BMPR1B: variants seen among roughly 807,000 people sequenced by gnomAD.
The protein encoded by BMPR1B is bone morphogenetic protein receptor type-1B.
A neutral mutation model predicts 59.1 loss-of-function variants in BMPR1B; 12 were observed. The ratio of observed to expected loss-of-function variants is 0.20; its 90% CI spans 0.13 to 0.33. The LOEUF (loss-of-function observed/expected upper bound fraction) is 0.33, where lower values mean the gene tolerates loss of function less well. Among genes scored for constraint, BMPR1B ranks in the 10% least tolerant of loss-of-function variants. BMPR1B has a pLI of 1.00. For missense variants in BMPR1B, 550 were observed against 610.9 expected (o/e 0.90, Z 1.05); for synonymous variants, 237 against 207.3 (o/e 1.14, Z -1.23).
intron 1 of BMPR1B, among the ~76,000 whole-genome samples, chr4:94,875,483 G>T (rs1488663080): frequency 1.3e-5 from 2 of 152,188 alleles, no homozygotes; most frequent in Non-Finnish European, 2.9e-5. Context: ...AGGAGATTGA[G>T]ACCATCCTGG....
chr4:95,156,250 G>T lies in BMPR1B; in HGVS notation c.*1577G>T, dbSNP rs1735412814. On this transcript the variant is annotated 3_prime_UTR_variant, in exon 13 of 13. Coordinates refer to ENST00000515059, the MANE Select transcript of BMPR1B (RefSeq NM_001203.3). ...TATTCATATACATTTCCTTTCTGTG[G>T]TTTTCTTTTGCTTCTTAGAAATTCT... is the stretch of plus-strand genomic sequence containing the variant. 2.0e-5 allele frequency: 3 copies of T among 150,930 alleles called. No homozygotes were observed. The allele number at this position is 150,930 out of a possible 1,614,324, so 9.3% of individuals were successfully genotyped here. A position where few individuals can be genotyped will look rare whatever the true frequency, so the allele number is the denominator to read the frequency against.
chr4:95,052,962 C>G (rs186853357), intron 3 of BMPR1B, among the ~76,000 whole-genome samples: 1 of 152,220 alleles, frequency 6.6e-6, no homozygotes, highest in Admixed American at 6.5e-5. Context: ...TCTCATTCCT[C>G]TATTCTAGCT....
chr4:94,842,348 CAT>C (rs758521860), intron 1 of BMPR1B, among the ~76,000 whole-genome samples: 414 of 152,150 alleles, frequency 2.7e-3, no homozygotes, highest in Non-Finnish European at 4.6e-3. Context: ...AAAACTAACA[CAT>C]ATGTGATGTG....
chr4:94,954,159 G>A (rs1471724822), intron 2 of BMPR1B, among the ~76,000 whole-genome samples: 1 of 152,070 alleles, frequency 6.6e-6, no homozygotes, highest in Non-Finnish European at 1.5e-5. Flanking sequence ...CATGTTGTCA[G>A]ATGGGAGATG....
rs1735563516 is a variant in BMPR1B, at chr4:95,158,409, C to T, written c.*3736C>T. 1 of 152,064 alleles carries T rather than the reference C, an allele frequency of 6.6e-6. No individual in the cohort carries two copies. 9.4% of individuals were successfully genotyped at this position (152,064 alleles called of 1,614,324 possible). A position where few individuals can be genotyped will look rare whatever the true frequency, so the allele number is the denominator to read the frequency against. ...TTGTATATGGCTTTGTTTTAACATT[C>T]CCCTAAATAAAATGGCTTCATTCTC... On this transcript the variant is annotated 3_prime_UTR_variant, in exon 13 of 13. Coordinates refer to ENST00000515059, the MANE Select transcript of BMPR1B (RefSeq NM_001203.3).
At chr4:95,082,903 T>G (rs1729276331) in intron 3 of BMPR1B, among the ~76,000 whole-genome samples, 1 of 151,464 alleles carries the variant, frequency 6.6e-6, no homozygotes, top group Non-Finnish European at 1.5e-5. Flanking sequence ...CCGGGTGTGG[T>G]GGCGGGCGCC....
At chr4:95,099,168 C>G (rs1018456887) in intron 3 of BMPR1B, among the ~76,000 whole-genome samples, 1 of 152,102 alleles carries the variant, frequency 6.6e-6, no homozygotes, top group Non-Finnish European at 1.5e-5. Context: ...TGTTAACTAC[C>G]AAGCCGTAGT....
At chr4:95,104,232 G>A in intron 3 of BMPR1B, 176 bp from the exon 4 acceptor site, 3 of 686,328 alleles carry the variant, frequency 4.4e-6, no homozygotes, top group South Asian at 1.9e-5. Context: ...TGTATGAGGT[G>A]TATACTAGGT....
intron 2 of BMPR1B, among the ~76,000 whole-genome samples, chr4:94,940,194 T>C (rs1024765942): frequency 6.6e-6 from 1 of 152,254 alleles, no homozygotes; most frequent in Non-Finnish European, 1.5e-5. Context: ...ATTTTCAATA[T>C]GGCTTATGGC....
intron 3 of BMPR1B, among the ~76,000 whole-genome samples, chr4:95,084,943 TGGA>T (rs1729458864): frequency 6.6e-6 from 1 of 152,128 alleles, no homozygotes; most frequent in Non-Finnish European, 1.5e-5. Flanking sequence ...TACACCTGCT[TGGA>T]GTGTAGTTAT....
At chr4:95,077,078 T>C (rs1458252110) in intron 3 of BMPR1B, among the ~76,000 whole-genome samples, 1 of 152,160 alleles carries the variant, frequency 6.6e-6, no homozygotes, top group Non-Finnish European at 1.5e-5. Context: ...CAGAGAGTAT[T>C]ACAGTAACAT....
chr4:94,938,557 A>G (rs968071287), intron 2 of BMPR1B, among the ~76,000 whole-genome samples: 2 of 152,136 alleles, frequency 1.3e-5, no homozygotes, highest in African/African-American at 4.8e-5. Flanking sequence ...AAAAGTTCCT[A>G]TCTGGTCCTT....
chr4:95,097,565 G>A (rs1730518258), intron 3 of BMPR1B, among the ~76,000 whole-genome samples: 1 of 151,982 alleles, frequency 6.6e-6, no homozygotes, highest in African/African-American at 2.4e-5. Flanking sequence ...TTGAGACAGA[G>A]TCTCGATCTG....
At chr4:94,887,459 C>A (rs1727227636) in intron 2 of BMPR1B, among the ~76,000 whole-genome samples, 1 of 107,870 alleles carries the variant, frequency 9.3e-6, no homozygotes, top group African/African-American at 3.6e-5. Flanking sequence ...ACATTCTAAA[C>A]ATTTAAATAT....
At chr4:94,881,777 C>T (rs528549302) in intron 2 of BMPR1B, among the ~76,000 whole-genome samples, 1 of 152,076 alleles carries the variant, frequency 6.6e-6, no homozygotes, top group East Asian at 1.9e-4. Flanking sequence ...ATATTTCGAC[C>T]TTTCTAGGCC....
At chr4:94,844,786 C>T (rs1421823626) in intron 1 of BMPR1B, among the ~76,000 whole-genome samples, 1 of 152,148 alleles carries the variant, frequency 6.6e-6, no homozygotes, top group East Asian at 1.9e-4. Flanking sequence ...AAGAAATAAG[C>T]AGTGGCTCTG....
chr4:94,882,157 TAGA>T (rs1726999743), intron 2 of BMPR1B, among the ~76,000 whole-genome samples: 1 of 152,096 alleles, frequency 6.6e-6, no homozygotes, highest in African/African-American at 2.4e-5. Flanking sequence ...CATGGAAGGA[TAGA>T]GGAGGATGAC....
At chr4:95,123,763 A>G in intron 6 of BMPR1B, 47 bp from the exon 7 acceptor site, 1 of 1,396,358 alleles carries the variant, frequency 7.2e-7, no homozygotes, top group Non-Finnish European at 1.0e-6. Context: ...CTTATTTTTA[A>G]GTAAAAATAT....
At chr4:95,044,955 C>G (rs924523504) in intron 3 of BMPR1B, among the ~76,000 whole-genome samples, 4 of 151,996 alleles carry the variant, frequency 2.6e-5, no homozygotes, top group Admixed American at 2.0e-4. Context: ...AACCAAATAC[C>G]AGTGCAGTTC....
Sources: gnomAD v4.1 joint callset for allele counts (sites outside exome capture counted in the v4.1 genomes callset) on GRCh38, gnomAD v4.1.1 for gene constraint, MANE v1.5 for transcripts, NCBI Gene and HGNC (gene_info 2026-07-23, HGNC 2026-07-21) for gene names.